Variants in KCNU1 observed in about 807,000 individuals in gnomAD.
The protein encoded by KCNU1 is potassium channel subfamily U member 1.
Under a neutral mutation model 126.8 loss-of-function variants are expected in KCNU1, and 93 were observed. The ratio of observed to expected loss-of-function variants is 0.73; its 90% CI spans 0.62 to 0.87. The LOEUF (loss-of-function observed/expected upper bound fraction) is 0.87. KCNU1 is among the 40% of genes least tolerant of loss of function. The pLI is 0.00. For synonymous variants in KCNU1, 523 were observed against 494.2 expected (o/e 1.06, Z -0.77); for missense variants, 1,330 against 1,367.1 (o/e 0.97, Z 0.43).
At chr8:36,817,608 A>G (rs1343300835) in intron 9 of KCNU1, 42 bp from the exon 10 acceptor site, 1 of 973,816 alleles carries the variant, frequency 1.0e-6, no homozygotes, top group East Asian at 2.4e-5. Context: ...GAAGGTGCTT[A>G]TGTGCCTCGG....
At chr8:36,825,976 T>G (rs1441427891) in intron 10 of KCNU1, among the ~76,000 whole-genome samples, 1 of 152,092 alleles carries the variant, frequency 6.6e-6, no homozygotes, top group Non-Finnish European at 1.5e-5. Context: ...TATGTTATAA[T>G]TTTCCTATGA....
intron 19 of KCNU1, among the ~76,000 whole-genome samples, chr8:36,876,197 A>C (rs181528449): frequency 6.6e-6 from 1 of 152,300 alleles, no homozygotes; most frequent in East Asian, 1.9e-4. Flanking sequence ...ACACAGGACA[A>C]GTTCTGAGCT....
intron 14 of KCNU1, among the ~76,000 whole-genome samples, chr8:36,839,822 C>G (rs1804885491): frequency 6.6e-6 from 1 of 152,184 alleles, no homozygotes; most frequent in Non-Finnish European, 1.5e-5. Flanking sequence ...GGGTCCTACA[C>G]AAACGTCAGC....
rs2000442 is a variant in KCNU1, at chr8:36,803,826, T to C, written c.316-201T>C. 7.2e-3 allele frequency among the ~76,000 whole-genome samples: 1,094 copies of C among 152,268 alleles called. 37 individuals are homozygous for C. Among genetic ancestry groups the C allele is most frequent in the Admixed American group, 0.058 (894 of 15,292 alleles). On this transcript the variant is annotated intron_variant, in intron 2 of 26. Transcript: ENST00000399881. ...GTAAAATGGGTACATATTCATTTTT[T>C]TAATACTCAGAAAAGGTCCAATCAA...
chr8:36,926,118 G>A (rs1808522574), intron 24 of KCNU1, among the ~76,000 whole-genome samples: 1 of 152,136 alleles, frequency 6.6e-6, no homozygotes, highest in East Asian at 1.9e-4. Context: ...CAGAGCCAAG[G>A]AATTCACTAA....
intron 19 of KCNU1, among the ~76,000 whole-genome samples, chr8:36,888,280 G>A (rs939690351): frequency 1.3e-5 from 2 of 152,008 alleles, no homozygotes; most frequent in Admixed American, 1.3e-4. Context: ...ATAATCAAAG[G>A]AAATACTAGA....
intron 7 of KCNU1, among the ~76,000 whole-genome samples, chr8:36,810,330 C>T (rs1803666457): frequency 1.3e-5 from 2 of 152,068 alleles, no homozygotes; most frequent in Admixed American, 6.6e-5. Context: ...CAGTCTCTGC[C>T]AGGCCTACTT....
chr8:36,808,642 A>G, intron 6 of KCNU1, 76 bp from the exon 7 acceptor site: 1 of 884,684 alleles, frequency 1.1e-6, no homozygotes, highest in East Asian at 2.6e-5. Context: ...TTGTGTAGCA[A>G]CATCTTAGAG....
chr8:36,823,357 T>A (rs1480759379), intron 10 of KCNU1, among the ~76,000 whole-genome samples: 2 of 152,188 alleles, frequency 1.3e-5, no homozygotes, highest in Non-Finnish European at 2.9e-5. Context: ...TAAGTCTAAA[T>A]TTTACCACTT....
At chr8:36,818,255 C>A (rs1803993647) in intron 10 of KCNU1, among the ~76,000 whole-genome samples, 1 of 152,086 alleles carries the variant, frequency 6.6e-6, no homozygotes, top group South Asian at 2.1e-4. Flanking sequence ...AGCTTAGGTA[C>A]ACAAAATGAT....
intron 2 of KCNU1, among the ~76,000 whole-genome samples, chr8:36,803,462 T>C (rs779054739): frequency 6.7e-4 from 102 of 151,876 alleles, no homozygotes; most frequent in Non-Finnish European, 5.9e-4. Context: ...CGAGATACCC[T>C]ATTTTACAGA....
At chr8:36,807,318 C>A in intron 5 of KCNU1, 57 bp from the exon 6 acceptor site, 1 of 1,164,568 alleles carries the variant, frequency 8.6e-7, no homozygotes, top group Non-Finnish European at 1.3e-6. Context: ...ATAACGTAGG[C>A]TCCCTCTGGA....
chr8:36,925,806 C>T (rs746809608), intron 24 of KCNU1, among the ~76,000 whole-genome samples: 47 of 152,146 alleles, frequency 3.1e-4, no homozygotes, highest in African/African-American at 1.0e-3. Flanking sequence ...CTCCTGAATA[C>T]GTTCTCAAAC....
chr8:36,881,796 TCACACACA>T (rs10522369), intron 19 of KCNU1, among the ~76,000 whole-genome samples: 30,430 of 138,776 alleles, frequency 0.22, 3,361 homozygotes, highest in Non-Finnish European at 0.26. Context: ...AAAAGTCAAA[TCACACACA>T]CACACACACA....
In KCNU1 at chr8:36,935,144, C is replaced by T. The variant is rs567905582; in HGVS notation, c.3045-371C>T. On this transcript the variant is annotated intron_variant, in intron 26 of 26. Transcript: ENST00000399881. ...ATAGTGTCTTTTAAAATCAAATAGA[C>T]CTGGAGTAAGGCCATTAGACATCAA... 9.9e-5 allele frequency among the ~76,000 whole-genome samples: 15 copies of T among 152,144 alleles called. 1 individual carries two copies. The South Asian group carries it at 2.3e-3, about 23-fold the overall frequency.
intron 14 of KCNU1, among the ~76,000 whole-genome samples, chr8:36,838,800 G>T (rs79926822): frequency 1.3e-5 from 2 of 152,278 alleles, no homozygotes; most frequent in East Asian, 3.9e-4. Context: ...TAGCTTACAG[G>T]AATTGAGAGA....
chr8:36,930,188 T>G (rs1041151127), intron 24 of KCNU1, among the ~76,000 whole-genome samples: 1 of 152,130 alleles, frequency 6.6e-6, no homozygotes, highest in African/African-American at 2.4e-5. Context: ...TAGTGGGTAA[T>G]ATATTCCAAT....
chr8:36,876,180 T>C (rs1040045767), intron 19 of KCNU1, among the ~76,000 whole-genome samples: 3 of 152,098 alleles, frequency 2.0e-5, no homozygotes, highest in Non-Finnish European at 4.4e-5. Flanking sequence ...ATGCATCCCC[T>C]AGGCCGACAC....
intron 19 of KCNU1, among the ~76,000 whole-genome samples, chr8:36,877,876 A>G (rs1806330417): frequency 6.6e-6 from 1 of 152,230 alleles, no homozygotes; most frequent in East Asian, 1.9e-4. Flanking sequence ...CTAAACTCGA[A>G]CTATATTCTA....
Sources: allele counts gnomAD v4.1 joint callset (sites outside exome capture counted in the v4.1 genomes callset), GRCh38; gene constraint gnomAD v4.1.1; transcripts MANE v1.5; gene names NCBI Gene and HGNC (gene_info 2026-07-23, HGNC 2026-07-21).